Variants in UBE2H observed in about 807,000 individuals in gnomAD.
UBE2H encodes the protein ubiquitin-conjugating enzyme E2 H.
Under a neutral mutation model 29.0 loss-of-function variants are expected in UBE2H, and 3 were observed. The ratio of observed to expected loss-of-function variants is 0.10; its 90% CI spans 0.05 to 0.27. The LOEUF is 0.27. Ranked by LOEUF, UBE2H falls within the 10% of genes least tolerant of loss-of-function variation. The probability of loss-of-function intolerance (pLI) is 1.00; values close to 1 mark genes in which losing one functional copy is unlikely to be tolerated. For missense variants in UBE2H, 68 were observed against 228.2 expected (o/e 0.30, Z 4.52); for synonymous variants, 69 against 82.9 (o/e 0.83, Z 0.91).
chr7:129,950,733 T>C (rs1807856927), intron 1 of UBE2H, among the ~76,000 whole-genome samples: 1 of 152,230 alleles, frequency 6.6e-6, no homozygotes, highest in Admixed American at 6.5e-5. Flanking sequence ...GCTGCCACTA[T>C]GTCATTTCCT....
chr7:129,948,981 CT>C (rs1380459844), intron 1 of UBE2H: 1 of 456,884 alleles, frequency 2.2e-6, no homozygotes, highest in Non-Finnish European at 4.4e-6. Flanking sequence ...TTGGTAGCTC[CT>C]CCCCTCCTCC....
chr7:129,931,442 T>C (rs1186278481), intron 1 of UBE2H, among the ~76,000 whole-genome samples: 1 of 152,112 alleles, frequency 6.6e-6, no homozygotes, highest in Non-Finnish European at 1.5e-5. Flanking sequence ...TGTGTGTTAT[T>C]TACCATTTTA....
chr7:129,877,020 A>G (rs745965974), intron 3 of UBE2H, among the ~76,000 whole-genome samples: 6 of 152,230 alleles, frequency 3.9e-5, no homozygotes, highest in Admixed American at 1.3e-4. Flanking sequence ...CAGAATGTAA[A>G]TAATGACACC....
At chr7:129,911,525 C>T (rs1354204180) in intron 1 of UBE2H, among the ~76,000 whole-genome samples, 2 of 152,098 alleles carry the variant, frequency 1.3e-5, no homozygotes, top group African/African-American at 4.8e-5. Flanking sequence ...ATTGGACATG[C>T]AAGGTTTTAG....
At chr7:129,853,603 T>C (rs1805647570) in intron 5 of UBE2H, among the ~76,000 whole-genome samples, 1 of 152,172 alleles carries the variant, frequency 6.6e-6, no homozygotes, top group African/African-American at 2.4e-5. Context: ...TAATACAAAA[T>C]TAAAAATTAC....
chr7:129,878,872 G>T (rs1262114001), intron 3 of UBE2H, among the ~76,000 whole-genome samples: 1 of 114,130 alleles, frequency 8.8e-6, no homozygotes, highest in Non-Finnish European at 1.9e-5. Flanking sequence ...AAAAAAAAAA[G>T]CTGGCTTAAA....
At chr7:129,851,139 A>C (rs932416228) in intron 5 of UBE2H, among the ~76,000 whole-genome samples, 1 of 152,188 alleles carries the variant, frequency 6.6e-6, no homozygotes, top group African/African-American at 2.4e-5. Context: ...AACTTCAGAG[A>C]GTTGCAGAAG....
chr7:129,920,407 G>C (rs1807134008), intron 1 of UBE2H, among the ~76,000 whole-genome samples: 1 of 151,866 alleles, frequency 6.6e-6, no homozygotes, highest in Non-Finnish European at 1.5e-5. Flanking sequence ...TGAAAAACTG[G>C]AAATAACCTA....
chr7:129,930,822 T>G (rs1410206077), intron 1 of UBE2H, among the ~76,000 whole-genome samples: 2 of 135,004 alleles, frequency 1.5e-5, no homozygotes, highest in South Asian at 2.4e-4. Context: ...GCAGGAAAAT[T>G]GCTTAAAGCC....
intron 5 of UBE2H, among the ~76,000 whole-genome samples, chr7:129,856,224 A>C (rs1209882643): frequency 2.0e-5 from 3 of 152,218 alleles, no homozygotes; most frequent in Non-Finnish European, 4.4e-5. Context: ...TGGACTAAGA[A>C]GTCTTACCTA....
intron 3 of UBE2H, among the ~76,000 whole-genome samples, chr7:129,862,813 G>A (rs1435074416): frequency 6.6e-6 from 1 of 152,180 alleles, no homozygotes; most frequent in African/African-American, 2.4e-5. Flanking sequence ...AGGGAGATGG[G>A]GGGGCCACTG....
At chr7:129,870,857 C>T (rs971955691) in intron 3 of UBE2H, among the ~76,000 whole-genome samples, 3 of 152,204 alleles carry the variant, frequency 2.0e-5, no homozygotes, top group South Asian at 2.1e-4. Context: ...CCACTTGGCC[C>T]GTGTGTCACA....
chr7:129,835,992 C>T (rs1408997713), intron 6 of UBE2H, among the ~76,000 whole-genome samples: 40 of 152,112 alleles, frequency 2.6e-4, no homozygotes, highest in African/African-American at 8.9e-4. Flanking sequence ...TAAAAACTGT[C>T]TTAAAAAATA....
intron 1 of UBE2H, among the ~76,000 whole-genome samples, chr7:129,919,100 T>TAAAAAAA (rs1204331286): frequency 2.8e-5 from 2 of 72,134 alleles, no homozygotes; most frequent in South Asian, 5.9e-4. Flanking sequence ...AAAAACAAAG[T>TAAAAAAA]AAAAAAAAAA....
At chr7:129,853,940 T>C (rs925205783) in intron 5 of UBE2H, among the ~76,000 whole-genome samples, 1 of 152,158 alleles carries the variant, frequency 6.6e-6, no homozygotes, top group Non-Finnish European at 1.5e-5. Context: ...TGCTCCCTCA[T>C]CGAATCTACA....
chr7:129,883,046 G>T (rs919419052), intron 1 of UBE2H, among the ~76,000 whole-genome samples: 20 of 152,096 alleles, frequency 1.3e-4, no homozygotes, highest in African/African-American at 4.6e-4. Flanking sequence ...CAAGAAAACG[G>T]AAATGGGTAA....
intron 1 of UBE2H, among the ~76,000 whole-genome samples, chr7:129,942,030 C>A (rs893635478): frequency 2.0e-5 from 3 of 151,716 alleles, no homozygotes; most frequent in African/African-American, 7.3e-5. Context: ...GCCAACATGG[C>A]GCAACCCTGT....
At chr7:129,948,010 G>A (rs1481476833) in intron 1 of UBE2H, among the ~76,000 whole-genome samples, 1 of 151,972 alleles carries the variant, frequency 6.6e-6, no homozygotes, top group Non-Finnish European at 1.5e-5. Context: ...GCACCATCAC[G>A]CCTGGCTAAT....
At chr7:129,892,515 G>A (rs1430232456) in intron 1 of UBE2H, among the ~76,000 whole-genome samples, 2 of 152,062 alleles carry the variant, frequency 1.3e-5, no homozygotes, top group East Asian at 3.9e-4. Context: ...GCCTCCCAAA[G>A]TGCTGGGATT....
Sources: allele counts gnomAD v4.1 joint callset (sites outside exome capture counted in the v4.1 genomes callset), GRCh38; gene constraint gnomAD v4.1.1; transcripts MANE v1.5; gene names NCBI Gene and HGNC (gene_info 2026-07-23, HGNC 2026-07-21).